Variants in FAP observed in about 807,000 individuals in gnomAD.
FAP encodes the protein prolyl endopeptidase FAP.
FAP carries 110 observed loss-of-function variants against 126.5 expected under a neutral mutation model. That is an observed-to-expected ratio of 0.87 (90% CI 0.74 to 1.02). FAP has a LOEUF of 1.02. Ranked by LOEUF, FAP falls within the 50% of genes least tolerant of loss-of-function variation. The probability of loss-of-function intolerance (pLI) is 0.00; values close to 1 mark genes in which losing one functional copy is unlikely to be tolerated. For missense variants in FAP, 919 were observed against 909.2 expected, an observed-to-expected ratio of 1.01 and a Z score of -0.14; for synonymous variants, 334 against 297.3, an observed-to-expected ratio of 1.12 and a Z score of -1.27.
intron 17 of FAP, among the ~76,000 whole-genome samples, chr2:162,191,056 C>G (rs138800818): frequency 4.5e-4 from 68 of 152,192 alleles, no homozygotes; most frequent in African/African-American, 1.6e-3. Flanking sequence ...ACAGTAGAGC[C>G]AACCCTTCAT....
intron 21 of FAP, among the ~76,000 whole-genome samples, chr2:162,179,698 G>A (rs1175135895): frequency 6.6e-6 from 1 of 151,784 alleles, no homozygotes. Context: ...AATGGAAGAA[G>A]AGAATGGACA....
rs1270939186 is a variant in FAP, at chr2:162,174,894, C to A, written c.1942G>T (p.Ala648Ser). The A allele has an allele frequency of 1.9e-6, 3 of 1,612,484 alleles. No individual in the cohort carries two copies. The highest frequency in any genetic ancestry group is 2.5e-6 in the Non-Finnish European group (3 of 1,178,838). ...TGLFKCGIAV[A>S]PVSSWEYYAS... is the part of the protein sequence containing the mutation. ...TAATATTCCCAGCTGGAGACTGGAGCCACTGCTATACCACATTTGAAAAGA... is the reference window on the plus strand; with the variant it reads ...TAATATTCCCAGCTGGAGACTGGAGACACTGCTATACCACATTTGAAAAGA... The change falls in exon 22 of 26, where the codon GCT becomes TCT. Residue 648 changes from alanine (A) to serine (S), a missense_variant. Coordinates refer to ENST00000188790, the MANE Select transcript of FAP (RefSeq NM_004460.5).
intron 1 of FAP, 98 bp from the exon 2 acceptor site, chr2:162,243,090 C>A: frequency 9.9e-7 from 1 of 1,012,720 alleles, no homozygotes. Context: ...TCTCTCGCCC[C>A]ACAAAGCTTT....
intron 20 of FAP, among the ~76,000 whole-genome samples, chr2:162,184,321 A>T (rs781729182): frequency 2.7e-4 from 41 of 152,290 alleles, no homozygotes; most frequent in Non-Finnish European, 5.0e-4. Flanking sequence ...AGGAGGGGAG[A>T]AGACCAAAGG....
intron 17 of FAP, chr2:162,193,593 C>T (rs1262066132): frequency 6.6e-6 from 1 of 151,956 alleles, no homozygotes; most frequent in Non-Finnish European, 1.5e-5. Context: ...AAAACCTTGT[C>T]GACTTGAAAT....
At chr2:162,177,922 T>C (rs918121306) in intron 21 of FAP, among the ~76,000 whole-genome samples, 2 of 152,172 alleles carry the variant, frequency 1.3e-5, no homozygotes, top group Non-Finnish European at 2.9e-5. Flanking sequence ...CATTTCACAA[T>C]GAGGAAACTG....
chr2:162,204,537 T>A (rs934365424), intron 12 of FAP, among the ~76,000 whole-genome samples: 30 of 152,112 alleles, frequency 2.0e-4, no homozygotes, highest in Admixed American at 1.3e-4. Flanking sequence ...GGAAGAAGAC[T>A]ATGTGAAGAC....
At chr2:162,196,778 T>A (rs1235713200) in intron 16 of FAP, among the ~76,000 whole-genome samples, 1 of 152,236 alleles carries the variant, frequency 6.6e-6, no homozygotes, top group Middle Eastern at 3.4e-3. Context: ...ATTTCAAGGT[T>A]TTTCCTATGA....
At position 162,188,191 on chromosome 2, in the gene FAP, C is replaced by T. The variant is rs1212803639; in HGVS notation, c.1792G>A (p.Glu598Lys). The T allele has an allele frequency of 6.2e-7, 1 of 1,612,884 alleles. No individual in the cohort carries two copies. Among genetic ancestry groups the T allele is most frequent in the African/African-American group, 1.3e-5 (1 of 74,828 alleles). ...CACCTGACAGCTGTAATCTGGTCTT[C>T]AACTTCATAAACACCCAGCTTTCGA... ...VYRKLGVYEVEDQITAVRKFI... is the reference protein window; with the variant it reads ...VYRKLGVYEVKDQITAVRKFI... The change falls in exon 20 of 26, where the codon GAA becomes AAA. Residue 598 changes from glutamate (E) to lysine (K), a missense_variant. Physicochemically the swap from Glu to Lys is moderately conservative, Grantham distance 56 (BLOSUM62 1). Transcript: ENST00000188790.
At chr2:162,175,282 C>T (rs1162711597) in intron 21 of FAP, 2 of 165,322 alleles carry the variant, frequency 1.2e-5, no homozygotes, top group African/African-American at 4.8e-5. Context: ...TCATTTTTTT[C>T]TCTATATCTT....
intron 4 of FAP, among the ~76,000 whole-genome samples, chr2:162,225,174 AC>A (rs1689584643): frequency 6.6e-6 from 1 of 152,104 alleles, no homozygotes; most frequent in Admixed American, 6.6e-5. Flanking sequence ...CCCTTACCTA[AC>A]CTTTCACGAC....
intron 22 of FAP, among the ~76,000 whole-genome samples, chr2:162,174,119 A>G (rs1221244988): frequency 6.6e-6 from 1 of 152,128 alleles, no homozygotes; most frequent in Non-Finnish European, 1.5e-5. Flanking sequence ...TGGTCTCAAT[A>G]TATTTTAAAG....
intron 21 of FAP, among the ~76,000 whole-genome samples, chr2:162,179,801 TA>T (rs1687625846): frequency 2.9e-5 from 4 of 138,916 alleles, no homozygotes; most frequent in Admixed American, 1.4e-4. Flanking sequence ...TATATATATA[TA>T]TATATATATA....
At chr2:162,194,553 A>G (rs1469735954) in intron 17 of FAP, 148 bp downstream of exon 17, 1 of 675,172 alleles carries the variant, frequency 1.5e-6, no homozygotes, top group Non-Finnish European at 2.6e-6. Flanking sequence ...TAATATCCAA[A>G]TCTGTGCAAT....
In FAP at chr2:162,224,506, G is replaced by A. The variant is rs764562025; in HGVS notation, c.320C>T (p.Pro107Leu). 3 of 1,600,186 alleles carry A rather than the reference G, an allele frequency of 1.9e-6. No homozygotes were observed. The highest frequency in any genetic ancestry group is 1.3e-5 in the African/African-American group (1 of 74,398). Residue 107 changes from proline to leucine, a missense_variant, in exon 5 of 26, where the codon CCT becomes CTT. Physicochemically the swap from Pro to Leu is moderately conservative, Grantham distance 98. Coordinates refer to ENST00000188790, the MANE Select transcript of FAP (RefSeq NM_004460.5). ...SVNASNYGLS[P>L]DRQFVYLESD... The stretch of plus-strand genomic sequence containing the variant: ...TTCTAGATATACAAATTGCCGATCA[G>A]GTGATAAGCCGTAATTTGAAGCATT...
At chr2:162,207,893 A>G (rs1688771874) in intron 12 of FAP, among the ~76,000 whole-genome samples, 1 of 150,386 alleles carries the variant, frequency 6.6e-6, no homozygotes, top group Non-Finnish European at 1.5e-5. Flanking sequence ...TTGTATTTTT[A>G]GTAGACGGGG....
At chr2:162,227,892 C>T (rs1689723489) in intron 2 of FAP, among the ~76,000 whole-genome samples, 1 of 152,142 alleles carries the variant, frequency 6.6e-6, no homozygotes, top group African/African-American at 2.4e-5. Flanking sequence ...CTCTGAGAAG[C>T]CCTTTCTGAC....
intron 3 of FAP, among the ~76,000 whole-genome samples, chr2:162,226,308 A>G (rs913081958): frequency 3.3e-5 from 5 of 152,146 alleles, no homozygotes; most frequent in African/African-American, 7.2e-5. Context: ...TTCCTTCTCT[A>G]TTTAAAACTC....
chr2:162,206,211 GC>G (rs1688689878), intron 12 of FAP, among the ~76,000 whole-genome samples: 1 of 152,090 alleles, frequency 6.6e-6, no homozygotes, highest in Non-Finnish European at 1.5e-5. Context: ...CTAGAGTTAG[GC>G]CCATAAAGTG....
Sources: allele counts gnomAD v4.1 joint callset (sites outside exome capture counted in the v4.1 genomes callset), GRCh38; gene constraint gnomAD v4.1.1; transcripts MANE v1.5; gene names NCBI Gene and HGNC (gene_info 2026-07-23, HGNC 2026-07-21).